ATF3: variants seen among roughly 807,000 people sequenced by gnomAD.
ATF3 encodes the protein cyclic AMP-dependent transcription factor ATF-3.
ATF3 carries 10 observed loss-of-function variants against 18.4 expected under a neutral mutation model. The observed-to-expected ratio is 0.54, with a 90% confidence interval of 0.34 to 0.92. The LOEUF is 0.92. ATF3 is among the 40% of genes least tolerant of loss of function. ATF3 has a pLI of 0.02. For synonymous variants in ATF3, 78 were observed against 87.9 expected (o/e 0.89, Z 0.63); for missense variants, 183 against 222.3 (o/e 0.82, Z 1.12).
At chr1:212,568,839 C>T (rs574079654) in intron 1 of ATF3, among the ~76,000 whole-genome samples, 4 of 152,264 alleles carry the variant, frequency 2.6e-5, no homozygotes, top group Admixed American at 6.5e-5. Context: ...TCCCCAACTC[C>T]GTCGTTACTG....
chr1:212,567,524 C>T (rs1412692270), intron 1 of ATF3, among the ~76,000 whole-genome samples: 1 of 152,186 alleles, frequency 6.6e-6, no homozygotes, highest in Non-Finnish European at 1.5e-5. Flanking sequence ...CAATCCAGAT[C>T]TAGCATTGTT....
At chr1:212,576,814 G>A (rs1438513357) in intron 1 of ATF3, among the ~76,000 whole-genome samples, 1 of 118,772 alleles carries the variant, frequency 8.4e-6, no homozygotes, top group Middle Eastern at 7.4e-3. Context: ...TGCAACCTCC[G>A]CCTCCCGGGT....
upstream of ATF3, among the ~76,000 whole-genome samples, chr1:212,607,356 C>T (rs1654665596): frequency 6.6e-6 from 1 of 152,248 alleles, no homozygotes; most frequent in Non-Finnish European, 1.5e-5. Flanking sequence ...CCCTCCCAGG[C>T]AGGTGCGAAA....
chr1:212,584,832 C>T lies in ATF3; in HGVS notation c.-5+19349C>T, dbSNP rs111793733. On this transcript the variant is annotated intron_variant, in intron 1 of 3. Coordinates refer to the ATF3 transcript ENST00000366981. ...CTCTCTCTTTCACCTGGAGTCTCTC[C>T]AAGTACGGCTCCCGGGCCACCTGGA... 3.9e-3 allele frequency among the ~76,000 whole-genome samples: 592 copies of T among 152,310 alleles called. 2 individuals are homozygous for T. Among genetic ancestry groups the T allele is most frequent in the Non-Finnish European group, 6.2e-3 (422 of 68,028 alleles).
At chr1:212,567,115 T>A (rs541484306) in intron 1 of ATF3, among the ~76,000 whole-genome samples, 2 of 152,200 alleles carry the variant, frequency 1.3e-5, no homozygotes, top group African/African-American at 4.8e-5. Flanking sequence ...TAATTTCTCT[T>A]CCCGCCCACA....
At chr1:212,600,661 A>G (rs1654455784) in intron 1 of ATF3, among the ~76,000 whole-genome samples, 1 of 152,184 alleles carries the variant, frequency 6.6e-6, no homozygotes, top group South Asian at 2.1e-4. Flanking sequence ...CAGTCACCTC[A>G]GCCATCAGCT....
rs910690005 is a variant in ATF3 at position 212,619,182 on chromosome 1, G to A, written c.349-176G>A. On this transcript the variant is annotated intron_variant, in intron 3 of 3. Transcript: ENST00000341491. This position sits in a 1 kb window ranked among gnomAD's most constrained non-coding sequence, Gnocchi z 4.4. ...GCATCACCAGGGTTTCTCTGAAGAA[G>A]AGGGTCTGCATTTTCCTAAACCCAG... is the stretch of plus-strand genomic sequence containing the variant. 1.2e-5 allele frequency: 20 copies of A among 1,612,776 alleles called. No individual in the cohort carries two copies. In the Admixed American group the frequency reaches 2.5e-4, roughly 20 times the overall value.
intron 1 of ATF3, among the ~76,000 whole-genome samples, chr1:212,611,982 C>T (rs1359414924): frequency 1.3e-5 from 2 of 152,110 alleles, no homozygotes; most frequent in African/African-American, 2.4e-5. Flanking sequence ...TCTCAACTTT[C>T]TGAAAAATTG....
chr1:212,597,811 A>G (rs923291425), intron 1 of ATF3, among the ~76,000 whole-genome samples: 2 of 152,152 alleles, frequency 1.3e-5, no homozygotes, highest in Non-Finnish European at 2.9e-5. Context: ...ATAAGTCACT[A>G]TGAGGTTTAG....
intron 1 of ATF3, among the ~76,000 whole-genome samples, chr1:212,566,235 A>G (rs1415016182): frequency 6.6e-6 from 1 of 152,104 alleles, no homozygotes; most frequent in Non-Finnish European, 1.5e-5. Context: ...CATCTGTAAA[A>G]ACATGTGCAC....
At chr1:212,592,932 T>C (rs1290320790) in intron 1 of ATF3, among the ~76,000 whole-genome samples, 1 of 152,112 alleles carries the variant, frequency 6.6e-6, no homozygotes, top group African/African-American at 2.4e-5. Flanking sequence ...AGCCATCCCA[T>C]TACTGGGTAT....
At chr1:212,599,510 A>C (rs1272253523) in intron 1 of ATF3, among the ~76,000 whole-genome samples, 1 of 152,196 alleles carries the variant, frequency 6.6e-6, no homozygotes, top group Admixed American at 6.5e-5. Flanking sequence ...AATAATCCAC[A>C]CTGACTCCTA....
At chr1:212,573,670 GA>G (rs1664522577) in intron 1 of ATF3, among the ~76,000 whole-genome samples, 1 of 151,826 alleles carries the variant, frequency 6.6e-6, no homozygotes, top group African/African-American at 2.4e-5. Flanking sequence ...AGAATTGAAA[GA>G]TTTTTTTCCT....
At chr1:212,585,859 C>T (rs1664770409) in intron 1 of ATF3, among the ~76,000 whole-genome samples, 1 of 152,042 alleles carries the variant, frequency 6.6e-6, no homozygotes, top group East Asian at 1.9e-4. Flanking sequence ...GAGAGAGGCA[C>T]CTGCTCCATG....
chr1:212,593,601 C>A (rs1664931388), intron 1 of ATF3, among the ~76,000 whole-genome samples: 1 of 151,822 alleles, frequency 6.6e-6, no homozygotes, highest in Non-Finnish European at 1.5e-5. Flanking sequence ...ATTAGCCAGG[C>A]ATGGTGGCAT....
chr1:212,568,145 T>C (rs1453988533), intron 1 of ATF3, among the ~76,000 whole-genome samples: 2 of 152,224 alleles, frequency 1.3e-5, no homozygotes, highest in African/African-American at 2.4e-5. Flanking sequence ...AGCTCTGCTC[T>C]TGTGGTTTGT....
chr1:212,610,145 C>T (rs78273136), intron 1 of ATF3, among the ~76,000 whole-genome samples: 1 of 152,192 alleles, frequency 6.6e-6, no homozygotes, highest in Non-Finnish European at 1.5e-5. Context: ...CTGCTCCCCC[C>T]ACTCCCATTT....
intron 1 of ATF3, among the ~76,000 whole-genome samples, chr1:212,583,287 C>T (rs1041774144): frequency 1.3e-5 from 2 of 151,984 alleles, no homozygotes; most frequent in Non-Finnish European, 2.9e-5. Context: ...AGTGGCTGTT[C>T]ACAGGCATGC....
intron 1 of ATF3, among the ~76,000 whole-genome samples, chr1:212,591,397 T>G (rs1380560224): frequency 6.6e-6 from 1 of 152,112 alleles, no homozygotes; most frequent in Non-Finnish European, 1.5e-5. Flanking sequence ...GTGGGAAAAA[T>G]ATAATCCAGA....
Sources: allele counts gnomAD v4.1 joint callset (sites outside exome capture counted in the v4.1 genomes callset), GRCh38; gene constraint gnomAD v4.1.1; non-coding constraint Gnocchi (gnomAD v3.1); transcripts MANE v1.5; gene names NCBI Gene and HGNC (gene_info 2026-07-23, HGNC 2026-07-21).